Variants in LYPD6B observed in about 807,000 individuals in gnomAD.
The protein encoded by LYPD6B is ly6/PLAUR domain-containing protein 6B.
Under a neutral mutation model 22.8 loss-of-function variants are expected in LYPD6B, and 17 were observed. That is an observed-to-expected ratio of 0.75 (90% confidence interval 0.51 to 1.12). The LOEUF is 1.12. LYPD6B is among the 50% of genes most tolerant of loss of function. The pLI, the probability that LYPD6B is intolerant of heterozygous loss-of-function variation, is 0.00. For missense variants in LYPD6B, 221 were observed against 258.3 expected (o/e 0.86, Z 0.99); for synonymous variants, 106 against 91.6 (o/e 1.16, Z -0.90).
chr2:149,082,784 G>A (rs1437598269), intron 1 of LYPD6B, among the ~76,000 whole-genome samples: 1 of 152,192 alleles, frequency 6.6e-6, no homozygotes, highest in Non-Finnish European at 1.5e-5. Context: ...GGAGGGCCCA[G>A]GCTGGGTGGA....
intron 1 of LYPD6B, among the ~76,000 whole-genome samples, chr2:149,039,092 G>T (rs1484896130): frequency 6.6e-6 from 1 of 151,860 alleles, no homozygotes; most frequent in Non-Finnish European, 1.5e-5. Context: ...GTCTCTAATC[G>T]TCCAGAGCCC....
At chr2:149,100,697 A>G (rs1482452593) in intron 1 of LYPD6B, among the ~76,000 whole-genome samples, 2 of 152,142 alleles carry the variant, frequency 1.3e-5, no homozygotes, top group Admixed American at 6.5e-5. Context: ...TTATGAACCA[A>G]GTCTGTCTTA....
intron 3 of LYPD6B, among the ~76,000 whole-genome samples, chr2:149,178,439 G>A (rs879605136): frequency 2.0e-5 from 3 of 151,096 alleles, no homozygotes; most frequent in African/African-American, 7.3e-5. Context: ...CCCCACCCCC[G>A]TGAAACTGAA....
chr2:149,175,893 A>G (rs1190861291), intron 3 of LYPD6B, among the ~76,000 whole-genome samples: 1 of 152,106 alleles, frequency 6.6e-6, no homozygotes. Flanking sequence ...GACATCTCCT[A>G]TGATAACAAT....
intron 1 of LYPD6B, among the ~76,000 whole-genome samples, chr2:149,058,616 C>CTTTTA (rs1316344430): frequency 6.6e-6 from 1 of 152,120 alleles, no homozygotes; most frequent in African/African-American, 2.4e-5. Context: ...CCATTTCACT[C>CTTTTA]TTTTATTTTA....
intron 3 of LYPD6B, among the ~76,000 whole-genome samples, chr2:149,189,363 T>C (rs866165754): frequency 0.047 from 4,355 of 92,322 alleles, 293 homozygotes; most frequent in Non-Finnish European, 0.073. Context: ...TATATATATA[T>C]ATATACACAC....
chr2:149,042,046 C>T (rs1473800586), intron 1 of LYPD6B, among the ~76,000 whole-genome samples: 1 of 152,196 alleles, frequency 6.6e-6, no homozygotes, highest in African/African-American at 2.4e-5. Flanking sequence ...CCGGAAACTC[C>T]CTGTCCCTCT....
At chr2:149,195,487 T>C (rs892520079) in intron 3 of LYPD6B, among the ~76,000 whole-genome samples, 1 of 152,166 alleles carries the variant, frequency 6.6e-6, no homozygotes, top group South Asian at 2.1e-4. Context: ...AGGCAAATCA[T>C]ATAGATTTAC....
chr2:149,163,875 G>A (rs561486965), intron 3 of LYPD6B, among the ~76,000 whole-genome samples: 1 of 152,134 alleles, frequency 6.6e-6, no homozygotes, highest in Non-Finnish European at 1.5e-5. Flanking sequence ...AGGAGAAAAG[G>A]TATGCAAATT....
chr2:149,169,749 GT>G (rs1690693674), intron 3 of LYPD6B, among the ~76,000 whole-genome samples: 3 of 152,168 alleles, frequency 2.0e-5, no homozygotes, highest in Admixed American at 6.6e-5. Flanking sequence ...TAAATACAGG[GT>G]TTTAAGATGT....
chr2:149,167,713 G>A (rs10432424), intron 3 of LYPD6B, among the ~76,000 whole-genome samples: 41,897 of 151,926 alleles, frequency 0.28, 7,107 homozygotes, highest in East Asian at 0.55. Flanking sequence ...ATTCCTTTAA[G>A]TCACTGCAAT....
chr2:149,085,588 T>C (rs1244810507), intron 1 of LYPD6B, among the ~76,000 whole-genome samples: 1 of 152,228 alleles, frequency 6.6e-6, no homozygotes, highest in Admixed American at 6.5e-5. Flanking sequence ...AGTAGTTTCT[T>C]AACTGTTGGC....
At chr2:149,043,127 A>G (rs570862560) in intron 1 of LYPD6B, among the ~76,000 whole-genome samples, 3 of 152,274 alleles carry the variant, frequency 2.0e-5, no homozygotes, top group African/African-American at 7.2e-5. Context: ...GTGGTTACAA[A>G]TGTGGTGATT....
chr2:149,114,166 G>A (rs1420153603), intron 1 of LYPD6B, among the ~76,000 whole-genome samples: 1 of 151,998 alleles, frequency 6.6e-6, no homozygotes. Flanking sequence ...TTCAAGTATG[G>A]AATTTAAGAA....
chr2:149,212,407 AATT>A (rs1363726574), intron 5 of LYPD6B, among the ~76,000 whole-genome samples: 4 of 150,260 alleles, frequency 2.7e-5, no homozygotes, highest in African/African-American at 9.8e-5. Flanking sequence ...AAAAAAAAGA[AATT>A]ATTAGGTTGG....
intron 1 of LYPD6B, among the ~76,000 whole-genome samples, chr2:149,100,744 G>A (rs1453181735): frequency 1.3e-5 from 2 of 152,180 alleles, no homozygotes; most frequent in Non-Finnish European, 2.9e-5. Flanking sequence ...CTTTATGTAA[G>A]CTATTGTAAA....
At chr2:149,213,872 C>A (rs573364089) in intron 6 of LYPD6B, among the ~76,000 whole-genome samples, 1 of 152,234 alleles carries the variant, frequency 6.6e-6, no homozygotes, top group Non-Finnish European at 1.5e-5. Flanking sequence ...TGATGTGCAG[C>A]CAGGGTTGAG....
At chr2:149,142,796 G>A (rs1372812262) in intron 2 of LYPD6B, among the ~76,000 whole-genome samples, 4 of 152,204 alleles carry the variant, frequency 2.6e-5, no homozygotes, top group East Asian at 3.9e-4. Context: ...ATGCCACTAC[G>A]CCCGGTTTCC....
intron 2 of LYPD6B, among the ~76,000 whole-genome samples, chr2:149,146,337 T>G (rs1249683597): frequency 1.3e-5 from 2 of 151,208 alleles, no homozygotes; most frequent in African/African-American, 2.4e-5. Context: ...AGACTAAGAG[T>G]TAATAGCAAG....
Sources: gnomAD v4.1 joint callset for allele counts (sites outside exome capture counted in the v4.1 genomes callset) on GRCh38, gnomAD v4.1.1 for gene constraint, MANE v1.5 for transcripts, NCBI Gene and HGNC (gene_info 2026-07-23, HGNC 2026-07-21) for gene names.